The following CTNNA2 variants were observed in gnomAD, a reference collection of about 807,000 sequenced individuals.
CTNNA2 encodes catenin alpha 2, also known as catenin alpha-2.
In CTNNA2, 42 loss-of-function variants were observed where a neutral mutation model predicts 101.0. The observed-to-expected ratio is 0.42, with a 90% CI of 0.32 to 0.54. CTNNA2 has a LOEUF of 0.54. Ranked by LOEUF, CTNNA2 falls within the 20% of genes least tolerant of loss-of-function variation. CTNNA2 has a pLI of 0.14. For missense variants in CTNNA2, 871 were observed against 1,223.1 expected (o/e 0.71, Z 4.29); for synonymous variants, 450 against 456.4 (o/e 0.99, Z 0.18).
chr2:80,147,059 G>T (rs1363528126), intron 7 of CTNNA2, among the ~76,000 whole-genome samples: 1 of 151,450 alleles, frequency 6.6e-6, no homozygotes, highest in Non-Finnish European at 1.5e-5. Flanking sequence ...TCCGCCTCCT[G>T]GGTTCAAGCG....
intron 2 of CTNNA2, among the ~76,000 whole-genome samples, chr2:79,311,428 A>AAAAG (rs1676369487): frequency 6.7e-6 from 1 of 149,452 alleles, no homozygotes; most frequent in South Asian, 2.1e-4. Flanking sequence ...AAAAAAAAAA[A>AAAAG]AAGAGGTGAT....
chr2:80,300,987 G>T (rs1676249903), intron 7 of CTNNA2, among the ~76,000 whole-genome samples: 1 of 151,482 alleles, frequency 6.6e-6, no homozygotes, highest in South Asian at 2.1e-4. Context: ...ACACAAAAGG[G>T]CCATCTGAGA....
chr2:79,241,830 G>C (rs1302648771), intron 2 of CTNNA2, among the ~76,000 whole-genome samples: 1 of 152,186 alleles, frequency 6.6e-6, no homozygotes, highest in Non-Finnish European at 1.5e-5. Context: ...GTTTTCCAAA[G>C]TGCAGGGTTA....
chr2:80,324,183 T>C (rs910752931), intron 7 of CTNNA2, among the ~76,000 whole-genome samples: 1 of 152,194 alleles, frequency 6.6e-6, no homozygotes, highest in Admixed American at 6.5e-5. Context: ...CAATTAAAGC[T>C]AAGTGACACA....
At chr2:79,299,730 A>G (rs950910025) in intron 2 of CTNNA2, among the ~76,000 whole-genome samples, 4 of 152,234 alleles carry the variant, frequency 2.6e-5, no homozygotes, top group African/African-American at 7.2e-5. Flanking sequence ...CACACTGAGG[A>G]TTTATTGACT....
intron 2 of CTNNA2, among the ~76,000 whole-genome samples, chr2:79,221,322 T>C (rs1183300686): frequency 6.6e-6 from 1 of 152,154 alleles, no homozygotes; most frequent in Non-Finnish European, 1.5e-5. Flanking sequence ...TAAATTATTT[T>C]TGTTTTGTTT....
intron 8 of CTNNA2, among the ~76,000 whole-genome samples, chr2:80,410,243 C>G (rs1343720074): frequency 6.6e-6 from 1 of 152,174 alleles, no homozygotes. Context: ...GTTTGTTTTT[C>G]TTTTTGAGTT....
chr2:79,576,178 G>A (rs934809400), intron 1 of CTNNA2, among the ~76,000 whole-genome samples: 2 of 152,126 alleles, frequency 1.3e-5, no homozygotes, highest in Non-Finnish European at 2.9e-5. Flanking sequence ...CCAAAATTTA[G>A]TGGTGGCAAT....
chr2:80,423,894 G>C (rs1680749278), intron 9 of CTNNA2, among the ~76,000 whole-genome samples: 1 of 152,120 alleles, frequency 6.6e-6, no homozygotes. Context: ...TTATCAGTTT[G>C]CCCATTTTGG....
intron 7 of CTNNA2, among the ~76,000 whole-genome samples, chr2:80,386,124 C>G (rs185864214): frequency 6.6e-6 from 1 of 152,276 alleles, no homozygotes; most frequent in East Asian, 1.9e-4. Flanking sequence ...CATATTCTTA[C>G]ATTATATATT....
intron 16 of CTNNA2, among the ~76,000 whole-genome samples, chr2:80,606,188 G>A (rs1329414204): frequency 6.6e-6 from 1 of 151,778 alleles, no homozygotes; most frequent in East Asian, 1.9e-4. Flanking sequence ...AGTTTGAATG[G>A]CTGTTTCATT....
intron 17 of CTNNA2, chr2:80,612,965 C>T (rs980406644): frequency 6.6e-6 from 1 of 151,340 alleles, no homozygotes; most frequent in Non-Finnish European, 1.5e-5. Context: ...AGGACCTTCC[C>T]TTATGTAGGA....
chr2:79,775,123 C>T (rs1459054316), intron 3 of CTNNA2, among the ~76,000 whole-genome samples: 1 of 152,104 alleles, frequency 6.6e-6, no homozygotes, highest in African/African-American at 2.4e-5. Context: ...TTGGGTTTCT[C>T]TCATTTGGTA....
chr2:79,291,563 G>A (rs1675816741), intron 2 of CTNNA2, among the ~76,000 whole-genome samples: 1 of 152,140 alleles, frequency 6.6e-6, no homozygotes, highest in Non-Finnish European at 1.5e-5. Context: ...GTTGAAGAAA[G>A]TATTTCCCAT....
At chr2:80,060,695 C>A (rs1697527834) in intron 7 of CTNNA2, among the ~76,000 whole-genome samples, 1 of 152,106 alleles carries the variant, frequency 6.6e-6, no homozygotes, top group African/African-American at 2.4e-5. Flanking sequence ...TTCTTTCCTT[C>A]CTTTTCATCC....
At chr2:80,276,889 A>T (rs1258504978) in intron 7 of CTNNA2, among the ~76,000 whole-genome samples, 1 of 152,136 alleles carries the variant, frequency 6.6e-6, no homozygotes, top group Non-Finnish European at 1.5e-5. Flanking sequence ...ACAAATATCC[A>T]AACCACATCA....
At chr2:80,063,086 T>G (rs1361593910) in intron 7 of CTNNA2, among the ~76,000 whole-genome samples, 1 of 152,224 alleles carries the variant, frequency 6.6e-6, no homozygotes, top group Non-Finnish European at 1.5e-5. Flanking sequence ...CTGCATTCTC[T>G]CTTGCCTTTG....
intron 3 of CTNNA2, among the ~76,000 whole-genome samples, chr2:79,836,307 T>C (rs1311847897): frequency 4.6e-5 from 7 of 152,230 alleles, no homozygotes; most frequent in Non-Finnish European, 5.9e-5. Context: ...GACTAAACTT[T>C]TACTTTGAGT....
At chr2:79,795,526 G>A (rs898312521) in intron 3 of CTNNA2, among the ~76,000 whole-genome samples, 2 of 151,954 alleles carry the variant, frequency 1.3e-5, no homozygotes, top group South Asian at 2.1e-4. Context: ...TAAATCAATT[G>A]TATTAAATTA....
Sources: gnomAD v4.1 joint callset for allele counts (sites outside exome capture counted in the v4.1 genomes callset) on GRCh38, gnomAD v4.1.1 for gene constraint, MANE v1.5 for transcripts, NCBI Gene and HGNC (gene_info 2026-07-23, HGNC 2026-07-21) for gene names.